Variants in SAV1 observed in about 807,000 individuals in gnomAD.
The protein encoded by SAV1 is protein salvador homolog 1.
SAV1 carries 23 observed loss-of-function variants against 47.3 expected under a neutral mutation model. That is an observed-to-expected ratio of 0.49 (90% confidence interval 0.35 to 0.69). SAV1 has a LOEUF of 0.69. SAV1 is among the 30% of genes least tolerant of loss of function. SAV1 has a pLI of 0.01. For missense variants in SAV1, 448 were observed against 457.4 expected, an observed-to-expected ratio of 0.98 and a Z score of 0.19; for synonymous variants, 155 against 159.2, an observed-to-expected ratio of 0.97 and a Z score of 0.20.
At chr14:50,647,438 T>C (rs1454947276) in intron 2 of SAV1, among the ~76,000 whole-genome samples, 1 of 151,936 alleles carries the variant, frequency 6.6e-6, no homozygotes, top group Non-Finnish European at 1.5e-5. Flanking sequence ...GCACCTGTAG[T>C]TCAACCTACT....
intron 1 of SAV1, chr14:50,667,397 T>C: frequency 2.2e-6 from 1 of 456,024 alleles, no homozygotes; most frequent in Admixed American, 2.3e-5. Flanking sequence ...CAAGTCTGCA[T>C]CCGGCAGCAG....
At chr14:50,648,575 C>T (rs982327384) in intron 2 of SAV1, among the ~76,000 whole-genome samples, 10 of 151,966 alleles carry the variant, frequency 6.6e-5, no homozygotes, top group Non-Finnish European at 1.0e-4. Context: ...GTCAGGAGAT[C>T]GAGACCATCC....
intron 3 of SAV1, among the ~76,000 whole-genome samples, chr14:50,643,259 T>C (rs1414770752): frequency 6.6e-6 from 1 of 152,230 alleles, no homozygotes; most frequent in African/African-American, 2.4e-5. Flanking sequence ...TATTAGTCTA[T>C]TTTCACAATG....
intron 2 of SAV1, among the ~76,000 whole-genome samples, chr14:50,653,674 T>A (rs2039788979): frequency 6.6e-6 from 1 of 151,912 alleles, no homozygotes; most frequent in African/African-American, 2.4e-5. Context: ...ATCGAGACCA[T>A]CCTGGCCAAC....
chr14:50,660,299 C>T (rs906247127), intron 2 of SAV1, among the ~76,000 whole-genome samples: 1 of 152,310 alleles, frequency 6.6e-6, no homozygotes, highest in South Asian at 2.1e-4. Flanking sequence ...GCCAAATCAT[C>T]TTTAAATATC....
At chr14:50,637,771 T>C (rs1341403851) in intron 4 of SAV1, 3 of 150,514 alleles carry the variant, frequency 2.0e-5, no homozygotes, top group Non-Finnish European at 4.4e-5. Context: ...ATCGGCACAG[T>C]AGTATTAACC....
chr14:50,663,599 A>G (rs1235106614), intron 2 of SAV1, among the ~76,000 whole-genome samples: 1 of 152,146 alleles, frequency 6.6e-6, no homozygotes, highest in Admixed American at 6.5e-5. Context: ...GTTCTTACCA[A>G]CTATTCCACA....
chr14:50,652,750 G>C (rs983508322), intron 2 of SAV1, among the ~76,000 whole-genome samples: 8 of 152,218 alleles, frequency 5.3e-5, no homozygotes, highest in Non-Finnish European at 1.0e-4. Context: ...GAAAAAAAAG[G>C]CTGGGCACAG....
chr14:50,640,757 G>A lies in SAV1; in HGVS notation c.943C>T (p.Pro315Ser), dbSNP rs780708549. The change falls in exon 4 of 5, where the codon CCT becomes TCT. Residue 315 changes from proline (P) to serine (S), a missense_variant. Coordinates refer to ENST00000324679, the MANE Select transcript of SAV1 (RefSeq NM_021818.4). ...TGTTGTAAATGTACTTACTTCACAG[G>A]GGCTCGTGCGTAAACCTGAAGCCAG... ...PDWLQVYARA[P>S]VKYDHILKWE... 2.5e-6 allele frequency: 4 copies of A among 1,612,170 alleles called. No homozygotes were observed. In the Admixed American group the frequency reaches 6.7e-5, roughly 27 times the overall value.
chr14:50,635,104 C>T lies in SAV1; in HGVS notation c.*79G>A, dbSNP rs1467057389. 5 of 950,776 alleles carry T rather than the reference C, an allele frequency of 5.3e-6. No individual in the cohort carries two copies. Among genetic ancestry groups the T allele is most frequent in the Admixed American group, 4.1e-5 (2 of 49,264 alleles). The allele number at this position is 950,776 out of a possible 1,614,324, so 58.9% of individuals were successfully genotyped here. On this transcript the variant is annotated 3_prime_UTR_variant, in exon 5 of 5. Transcript: ENST00000324679. ...CCACAAAGGAAGCAGCATTTATTAA[C>T]CAGAGTACTTGTTTGCAATTTTTTA...
chr14:50,662,313 C>T (rs1053107073), intron 2 of SAV1, among the ~76,000 whole-genome samples: 6 of 152,132 alleles, frequency 3.9e-5, no homozygotes, highest in South Asian at 2.1e-4. Flanking sequence ...GGACTACAGG[C>T]GCCTGCCACC....
rs1189422815 is a variant in SAV1 at position 50,644,847 on chromosome 14, C to T, written c.703G>A (p.Gly235Arg). 6.2e-7 allele frequency: 1 copy of T among 1,614,136 alleles called. No individual in the cohort carries two copies. ...THWSHPLERE[G>R]LPPGWERVES... ...ACTCGTTCCCATCCAGGAGGAAGTC[C>T]TTCTCGCTCAAGAGGATGGCTCCAG... is the stretch of plus-strand genomic sequence containing the variant. The change falls in exon 3 of 5, where the codon GGA (glycine) becomes AGA (arginine). Residue 235 changes from glycine to arginine, a missense_variant. Physicochemically the swap from Gly to Arg is moderately radical, Grantham distance 125. Transcript: ENST00000324679.
chr14:50,642,887 G>C (rs2039691593), intron 3 of SAV1, among the ~76,000 whole-genome samples: 1 of 152,224 alleles, frequency 6.6e-6, no homozygotes, highest in African/African-American at 2.4e-5. Context: ...GGACTTTGAA[G>C]TCAGGTACGC....
intron 2 of SAV1, among the ~76,000 whole-genome samples, chr14:50,661,718 C>T (rs2039861725): frequency 6.6e-6 from 1 of 152,078 alleles, no homozygotes; most frequent in South Asian, 2.1e-4. Context: ...GTTCTTGGTG[C>T]TTTTGTAAAA....
intron 3 of SAV1, 24 bp downstream of exon 3, chr14:50,644,720 T>C (rs2039706242): frequency 1.9e-6 from 3 of 1,585,644 alleles, no homozygotes; most frequent in Non-Finnish European, 1.7e-6. Context: ...AAACAAAAAG[T>C]TGAAAATAAA....
rs2039918876 is a variant in SAV1 at position 50,667,997 on chromosome 14, A to T, written c.-30T>A. On this transcript the variant is annotated 5_prime_UTR_variant, in exon 1 of 5. Coordinates refer to ENST00000324679, the MANE Select transcript of SAV1 (RefSeq NM_021818.4). Reference sequence around the variant, plus strand: ...CTCGACGAGGCCCGAGGCCGCGCTGAACTGCCTCCCTAGGGCTCCGCGCCG... The same window carrying T: ...CTCGACGAGGCCCGAGGCCGCGCTGTACTGCCTCCCTAGGGCTCCGCGCCG... The T allele has an allele frequency of 4.4e-6, 7 of 1,585,560 alleles. No homozygotes were observed. In the East Asian group the frequency reaches 1.2e-4, roughly 26 times the overall value.
At chr14:50,635,478 T>C in intron 4 of SAV1, 94 bp from the exon 5 acceptor site, 2 of 948,892 alleles carry the variant, frequency 2.1e-6, no homozygotes, top group Non-Finnish European at 3.2e-6. Context: ...ATGTCAACTT[T>C]ATTTATAACT....
chr14:50,665,033 A>G, intron 2 of SAV1, 146 bp downstream of exon 2: 3 of 1,068,320 alleles, frequency 2.8e-6, no homozygotes, highest in Non-Finnish European at 3.9e-6. Flanking sequence ...AACTATTTGC[A>G]CACAGGCTTA....
chr14:50,639,241 A>G (rs906486623), intron 4 of SAV1, among the ~76,000 whole-genome samples: 1 of 152,236 alleles, frequency 6.6e-6, no homozygotes, highest in African/African-American at 2.4e-5. Context: ...TTGGTAAATT[A>G]CTGTGAGAGA....
Sources: gnomAD v4.1 joint callset for allele counts (sites outside exome capture counted in the v4.1 genomes callset) on GRCh38, gnomAD v4.1.1 for gene constraint, MANE v1.5 for transcripts, NCBI Gene and HGNC (gene_info 2026-07-23, HGNC 2026-07-21) for gene names.